The following SND1 variants were observed in gnomAD, a reference collection of about 807,000 sequenced individuals.
The protein encoded by SND1 is staphylococcal nuclease domain-containing protein 1.
SND1 carries 38 observed loss-of-function variants against 121.7 expected under a neutral mutation model. The ratio of observed to expected loss-of-function variants is 0.31; its 90% CI spans 0.24 to 0.41. The LOEUF is 0.41. Among genes scored for constraint, SND1 ranks in the 10% least tolerant of loss-of-function variants. The pLI is 1.00. For missense variants in SND1, 868 were observed against 1,184.6 expected, an observed-to-expected ratio of 0.73 and a Z score of 3.92; for synonymous variants, 401 against 447.4, an observed-to-expected ratio of 0.90 and a Z score of 1.31.
chr7:127,975,462 A>G (rs1281827808), intron 15 of SND1, among the ~76,000 whole-genome samples: 1 of 149,938 alleles, frequency 6.7e-6, no homozygotes, highest in Admixed American at 6.6e-5. Flanking sequence ...TGTGTGTAAG[A>G]GAGATTGACT....
intron 10 of SND1, among the ~76,000 whole-genome samples, chr7:127,726,922 C>A (rs909229616): frequency 1.3e-5 from 2 of 152,152 alleles, no homozygotes; most frequent in Non-Finnish European, 2.9e-5. Context: ...GTATCTGTTT[C>A]TCTGTCTCTG....
intron 12 of SND1, among the ~76,000 whole-genome samples, chr7:127,854,683 A>G (rs937719454): frequency 6.6e-6 from 1 of 151,892 alleles, no homozygotes; most frequent in African/African-American, 2.4e-5. Context: ...TTGATGTGAT[A>G]AGGAGAGGGG....
chr7:127,744,709 A>T (rs1223914931), intron 10 of SND1, among the ~76,000 whole-genome samples: 1 of 152,206 alleles, frequency 6.6e-6, no homozygotes, highest in Non-Finnish European at 1.5e-5. Context: ...GATAACCTTT[A>T]ATCTTGGTCC....
At chr7:127,809,059 G>A (rs534357737) in intron 11 of SND1, among the ~76,000 whole-genome samples, 2 of 152,336 alleles carry the variant, frequency 1.3e-5, no homozygotes, top group South Asian at 4.1e-4. Context: ...TGGGACCATA[G>A]ATCATAGCTT....
chr7:127,963,138 T>C (rs948769142), intron 15 of SND1, among the ~76,000 whole-genome samples: 1 of 152,174 alleles, frequency 6.6e-6, no homozygotes, highest in African/African-American at 2.4e-5. Context: ...AGCTCTATTC[T>C]AAGCTGTGTG....
intron 12 of SND1, among the ~76,000 whole-genome samples, chr7:127,860,565 G>A (rs1328162626): frequency 6.6e-6 from 1 of 152,226 alleles, no homozygotes; most frequent in Admixed American, 6.5e-5. Flanking sequence ...CAGTGGTGTA[G>A]TGGAATGGTG....
At chr7:127,930,309 C>T (rs889748390) in intron 15 of SND1, among the ~76,000 whole-genome samples, 1 of 152,154 alleles carries the variant, frequency 6.6e-6, no homozygotes, top group African/African-American at 2.4e-5. Context: ...GAAAGAGAAA[C>T]GGGAGTCATG....
chr7:127,850,387 C>T (rs1282429575), intron 12 of SND1, among the ~76,000 whole-genome samples: 1 of 152,170 alleles, frequency 6.6e-6, no homozygotes, highest in African/African-American at 2.4e-5. Context: ...TCTTTTCTGG[C>T]CTAGTCATCT....
intron 11 of SND1, among the ~76,000 whole-genome samples, chr7:127,828,150 C>G (rs1011012042): frequency 6.6e-6 from 1 of 152,016 alleles, no homozygotes; most frequent in Non-Finnish European, 1.5e-5. Context: ...GCGCCCACCA[C>G]CATGCCCGGC....
At chr7:127,817,754 G>C (rs1191038827) in intron 11 of SND1, among the ~76,000 whole-genome samples, 1 of 126,462 alleles carries the variant, frequency 7.9e-6, no homozygotes, top group East Asian at 2.2e-4. Context: ...TTTTGGTCAG[G>C]AATCTTACCT....
In SND1 at chr7:127,875,949, G is replaced by C. The variant is rs771459407; in HGVS notation, c.1344-11953G>C. Among the ~76,000 whole-genome samples the C allele has an allele frequency of 4.5e-4, 68 of 151,980 alleles. 1 individual carries two copies. The highest frequency in any genetic ancestry group is 4.5e-3 in the Admixed American group (68 of 15,238). On this transcript the variant is annotated intron_variant, in intron 12 of 23. Coordinates refer to ENST00000354725, the MANE Select transcript of SND1 (RefSeq NM_014390.4). ...CACTTACAAGCTTTGTAACCTTTCT[G>C]TGCTTCAGGTTTCTCATTTGTAAAA...
Position 127,729,748 on chromosome 7 carries a change from A to G in SND1, c.1152+8348A>G, listed in dbSNP as rs529412719. Among the ~76,000 whole-genome samples the G allele has an allele frequency of 3.3e-5, 5 of 152,316 alleles. No individual in the cohort carries two copies. The East Asian group carries it at 5.8e-4, about 18-fold the overall frequency. On this transcript the variant is annotated intron_variant, in intron 10 of 23. Coordinates refer to ENST00000354725, the MANE Select transcript of SND1 (RefSeq NM_014390.4). ...GGTCACCAGGTAGACTTTAGACTGGATGATGGATTATGGATGAAGCAGCAT... is the reference window on the plus strand; with the variant it reads ...GGTCACCAGGTAGACTTTAGACTGGGTGATGGATTATGGATGAAGCAGCAT...
At chr7:127,727,139 G>C (rs1254869776) in intron 10 of SND1, among the ~76,000 whole-genome samples, 1 of 152,210 alleles carries the variant, frequency 6.6e-6, no homozygotes, top group Non-Finnish European at 1.5e-5. Flanking sequence ...TCAGACCCGG[G>C]TGCTAAAGGA....
chr7:127,964,685 G>A (rs1270788850), intron 15 of SND1, among the ~76,000 whole-genome samples: 1 of 150,946 alleles, frequency 6.6e-6, no homozygotes, highest in Admixed American at 6.6e-5. Context: ...AAGTCAGGTA[G>A]CGTGATGCCT....
At chr7:127,925,949 G>A (rs1368575321) in intron 14 of SND1, among the ~76,000 whole-genome samples, 13 of 150,506 alleles carry the variant, frequency 8.6e-5, no homozygotes, top group Non-Finnish European at 7.4e-5. Context: ...TCTGTCTCCC[G>A]GCTCTTATTA....
chr7:127,909,017 T>C (rs991418834), intron 14 of SND1, among the ~76,000 whole-genome samples: 5 of 152,176 alleles, frequency 3.3e-5, no homozygotes, highest in African/African-American at 1.2e-4. Flanking sequence ...CATTTACCTT[T>C]ACCTCCACTT....
chr7:127,889,893 A>G (rs1450657617), intron 13 of SND1, among the ~76,000 whole-genome samples: 3 of 152,082 alleles, frequency 2.0e-5, no homozygotes, highest in Non-Finnish European at 4.4e-5. Flanking sequence ...TCCATTGTGT[A>G]TAAGTACCAC....
chr7:127,818,049 TC>T (rs1223584952), intron 11 of SND1, among the ~76,000 whole-genome samples: 4 of 152,172 alleles, frequency 2.6e-5, no homozygotes, highest in African/African-American at 9.7e-5. Context: ...GTCATATAGC[TC>T]TGAGCTGGGG....
intron 11 of SND1, among the ~76,000 whole-genome samples, chr7:127,827,656 T>G (rs889212839): frequency 5.9e-5 from 9 of 152,212 alleles, no homozygotes; most frequent in East Asian, 5.8e-4. Context: ...ACGATGCATA[T>G]TCACAGGAAT....
Sources: allele counts gnomAD v4.1 joint callset (sites outside exome capture counted in the v4.1 genomes callset), GRCh38; gene constraint gnomAD v4.1.1; transcripts MANE v1.5; gene names NCBI Gene and HGNC (gene_info 2026-07-23, HGNC 2026-07-21).